The following LRCH4 variants were observed in gnomAD, a reference collection of about 807,000 sequenced individuals.
LRCH4 encodes leucine-rich repeat and calponin homology domain-containing protein 4.
Under a neutral mutation model 81.2 loss-of-function variants are expected in LRCH4, and 56 were observed. The observed-to-expected ratio is 0.69, with a 90% CI of 0.56 to 0.86. The LOEUF (loss-of-function observed/expected upper bound fraction) is 0.86. Ranked by LOEUF, LRCH4 falls within the 40% of genes least tolerant of loss-of-function variation. The pLI is 0.00. For missense variants in LRCH4, 895 were observed against 922.8 expected (o/e 0.97, Z 0.39); for synonymous variants, 442 against 409.7 (o/e 1.08, Z -0.95).
In LRCH4 at chr7:100,577,235, A is replaced by C; in HGVS notation, c.1295+38T>G. ...CTCGGTGGCCCCATTTCCAGGGCTC[A>C]GTGTCCAGCAACAGCCCCGGGCGGC... On this transcript the variant is annotated intron_variant, in intron 11 of 17. Transcript: ENST00000310300. This position sits in a 1 kb window ranked among gnomAD's most constrained non-coding sequence, Gnocchi z 6.7. The C allele has an allele frequency of 6.2e-7, 1 of 1,606,590 alleles. No homozygotes were observed. The highest frequency in any genetic ancestry group is 8.5e-7 in the Non-Finnish European group (1 of 1,178,956).
intron 3 of LRCH4, 56 bp downstream of exon 3, chr7:100,581,985 G>A: frequency 6.2e-7 from 1 of 1,602,036 alleles, no homozygotes. Flanking sequence ...CCTCCCCCTA[G>A]AAGGTCCCGC....
intron 15 of LRCH4, 112 bp from the exon 16 acceptor site, chr7:100,576,120 C>T: frequency 1.3e-6 from 2 of 1,482,892 alleles, no homozygotes; most frequent in Non-Finnish European, 1.8e-6. Flanking sequence ...CCTTCCTGTC[C>T]TCAGGGGAGG....
intron 1 of LRCH4, chr7:100,584,266 G>GA (rs1801648219): frequency 4.4e-6 from 2 of 456,334 alleles, no homozygotes; most frequent in Admixed American, 4.7e-5. Context: ...GGGGACAGAG[G>GA]AGAGAATTCT....
Position 100,575,667 on chromosome 7 carries a change from C to A in LRCH4, c.1854+38G>T, listed in dbSNP as rs200755100. 317 of 1,610,450 alleles carry A rather than the reference C, an allele frequency of 2.0e-4. No homozygotes were observed. Among genetic ancestry groups the A allele is most frequent in the South Asian group, 1.1e-5 (1 of 91,002 alleles). On this transcript the variant is annotated intron_variant, in intron 17 of 17. Transcript: ENST00000310300. The surrounding 1 kb of genome is among the most constrained non-coding windows in gnomAD (Gnocchi z 5.3). ...ATCCATGCCACATGCTCGGCTGAGTCCGGCATGCCACCACTCTTTAGAAAG... is the reference window on the plus strand; with the variant it reads ...ATCCATGCCACATGCTCGGCTGAGTACGGCATGCCACCACTCTTTAGAAAG...
chr7:100,582,673 C>A lies in LRCH4; in HGVS notation c.221-214G>T, dbSNP rs186666856. The stretch of plus-strand genomic sequence containing the variant: ...GGCACAGGGAAGGCAAAGGCCTTAG[C>A]GTCACTGGGCTAGAGAAGCCTCAGA... On this transcript the variant is annotated intron_variant, in intron 1 of 17. Transcript: ENST00000310300. This position sits in a 1 kb window ranked among gnomAD's most constrained non-coding sequence, Gnocchi z 5.0. Among the ~76,000 whole-genome samples, 5 of 152,330 alleles carry A rather than the reference C, an allele frequency of 3.3e-5. No homozygotes were observed. Among genetic ancestry groups the A allele is most frequent in the Non-Finnish European group, 5.9e-5 (4 of 68,026 alleles).
At position 100,577,850 on chromosome 7, in the gene LRCH4, T is replaced by G. The variant is rs909152; in HGVS notation, c.1011A>C (p.Gly337=). The change falls in exon 8 of 18, where the codon GGA becomes GGC. Residue 337 remains glycine (G), a synonymous_variant. Coordinates refer to ENST00000310300, the MANE Select transcript of LRCH4 (RefSeq NM_002319.5). The surrounding 1 kb of genome is among the most constrained non-coding windows in gnomAD (Gnocchi z 6.7). ...RISELAREPR[G]PRERKEDGSA... ...AGCCATCCTCCTTGCGTTCTCTGGG[T>G]CCCCGGGGCTCCCGGGCCAGCTCTG... 1 of 1,613,920 alleles carries G rather than the reference T, an allele frequency of 6.2e-7. No homozygotes were observed. The highest frequency in any genetic ancestry group is 1.3e-5 in the African/African-American group (1 of 75,018).
In LRCH4 at chr7:100,578,851, C is replaced by G. The variant is rs1562806874; in HGVS notation, c.599-65G>C. On this transcript the variant is annotated intron_variant, in intron 4 of 17. Transcript: ENST00000310300. The surrounding 1 kb of genome is among the most constrained non-coding windows in gnomAD (Gnocchi z 5.7). The stretch of plus-strand genomic sequence containing the variant: ...AGGGCTGTGGCCTCGTGCTCACTCC[C>G]TCACCCTTGGCTCCAGCTGGCCAGT... The G allele has an allele frequency of 1.9e-6, 3 of 1,561,630 alleles. No homozygotes were observed. Among genetic ancestry groups the G allele is most frequent in the Non-Finnish European group, 2.6e-6 (3 of 1,149,892 alleles).
chr7:100,585,922 C>A lies in LRCH4; in HGVS notation c.179G>T (p.Gly60Val). 6.2e-7 allele frequency: 1 copy of A among 1,611,832 alleles called. No homozygotes were observed. The highest frequency in any genetic ancestry group is 8.5e-7 in the Non-Finnish European group (1 of 1,178,886). The change falls in exon 1 of 18, where the codon GGC becomes GTC. Residue 60 changes from glycine to valine, a missense_variant. Transcript: ENST00000310300. ...SNRRLKHFPRGAARSYDLSDI... is the reference protein window; with the variant it reads ...SNRRLKHFPRVAARSYDLSDI... ...TGACAGGTCGTAGCTACGGGCCGCG[C>A]CCCGGGGGAAGTGCTTCAAGCGCCG...
rs1801423797 is a variant in LRCH4 at position 100,577,877 on chromosome 7, G to C, written c.984C>G (p.Ile328Met). ...CCCGGGGCTCCCGGGCCAGCTCTGA[G>C]ATCCGGAATGACAGCTCTGAAAATT... ...TDEFSELSFRISELAREPRGP... is the reference protein window; with the variant it reads ...TDEFSELSFRMSELAREPRGP... Residue 328 changes from isoleucine (I) to methionine (M), a missense_variant, in exon 8 of 18, where the codon ATC (isoleucine) becomes ATG (methionine). Around this residue, in one of 3 missense-constraint regions of LRCH4, gnomAD observed 529 missense variants for 504.9 expected, o/e 1.05. Transcript: ENST00000310300. This position sits in a 1 kb window ranked among gnomAD's most constrained non-coding sequence, Gnocchi z 6.7. The C allele has an allele frequency of 6.2e-7, 1 of 1,614,076 alleles. No individual in the cohort carries two copies. Among genetic ancestry groups the C allele is most frequent in the Non-Finnish European group, 8.5e-7 (1 of 1,179,944 alleles).
chr7:100,584,318 G>A (rs2131224722), intron 1 of LRCH4: 1 of 443,924 alleles, frequency 2.3e-6, no homozygotes, highest in Non-Finnish European at 4.6e-6. Flanking sequence ...TGGGCCCTGT[G>A]TAGAGAGTGG....
At chr7:100,584,654 A>G (rs776950405) in intron 1 of LRCH4, 45 of 455,890 alleles carry the variant, frequency 9.9e-5, no homozygotes, top group Admixed American at 4.9e-4. Flanking sequence ...AAGGGGCAGG[A>G]ATGGCTCCTG....
chr7:100,581,779 T>C lies in LRCH4; in HGVS notation c.596A>G (p.Glu199Gly). The change falls in exon 4 of 18, where the codon GAA becomes GGA. Residue 199 changes from glutamate to glycine, a missense_variant and splice_region_variant. Transcript: ENST00000310300. ...VRRNQLSTLP[E>G]ELGDLPLVRL... The stretch of plus-strand genomic sequence containing the variant: ...CTCCAGTTCTTCATTCTTCTCACCT[T>C]CGGGCAGCGTACTGAGCTGGTTCCT... The C allele has an allele frequency of 6.2e-7, 1 of 1,614,054 alleles. No homozygotes were observed. The highest frequency in any genetic ancestry group is 8.5e-7 in the Non-Finnish European group (1 of 1,179,912).
chr7:100,586,109 G>T lies in LRCH4; in HGVS notation c.-9C>A. 6.6e-7 allele frequency: 1 copy of T among 1,512,584 alleles called. No homozygotes were observed. Among genetic ancestry groups the T allele is most frequent in the African/African-American group, 1.4e-5 (1 of 71,600 alleles). 93.7% of individuals were successfully genotyped at this position (1,512,584 alleles called of 1,614,324 possible). ...GCTACGGCCGCCGCCATCCGCTCCC[G>T]GCGGCTCCCGCTGCCTGACTGACGG... On this transcript the variant is annotated 5_prime_UTR_variant, in exon 1 of 18. Coordinates refer to ENST00000310300, the MANE Select transcript of LRCH4 (RefSeq NM_002319.5).
At position 100,576,000 on chromosome 7, in the gene LRCH4, C is replaced by T; in HGVS notation, c.1647G>A (p.Glu549=). The change falls in exon 16 of 18, where the codon GAG becomes GAA. Residue 549 remains glutamate, a synonymous_variant. Coordinates refer to ENST00000310300, the MANE Select transcript of LRCH4 (RefSeq NM_002319.5). The surrounding 1 kb of genome is among the most constrained non-coding windows in gnomAD (Gnocchi z 5.3). Reference sequence around the variant, plus strand: ...CAGGCAGGGGCCGCTGCAGCCGGGACTCAAGGACCTGGCAGTGTAGACCAC... The same window carrying T: ...CAGGCAGGGGCCGCTGCAGCCGGGATTCAAGGACCTGGCAGTGTAGACCAC... ...DLMTQLRQVL[E]SRLQRPLPED... 1 of 1,604,300 alleles carries T rather than the reference C, an allele frequency of 6.2e-7. No individual in the cohort carries two copies. Among genetic ancestry groups the T allele is most frequent in the Non-Finnish European group, 8.5e-7 (1 of 1,178,722 alleles).
chr7:100,580,521 C>G (rs1186444020), intron 4 of LRCH4: 1 of 150,480 alleles, frequency 6.6e-6, no homozygotes, highest in Non-Finnish European at 1.5e-5. Context: ...TAAACATACA[C>G]AACACATACA....
chr7:100,576,060 G>A (rs1433171281), intron 15 of LRCH4, 52 bp from the exon 16 acceptor site: 3 of 1,561,030 alleles, frequency 1.9e-6, no homozygotes, highest in Non-Finnish European at 2.6e-6. Flanking sequence ...AGGCGTCTGG[G>A]AGGCAGGGAG....
chr7:100,575,445 G>A lies in LRCH4; in HGVS notation c.1855-141C>T, dbSNP rs944009031. 1.5e-5 allele frequency: 13 copies of A among 891,772 alleles called. No homozygotes were observed. Among genetic ancestry groups the A allele is most frequent in the Non-Finnish European group, 2.0e-5 (11 of 559,974 alleles). The allele number at this position is 891,772 out of a possible 1,614,324, so 55.2% of individuals were successfully genotyped here. A position where few individuals can be genotyped will look rare whatever the true frequency, so the allele number is the denominator to read the frequency against. On this transcript the variant is annotated intron_variant, in intron 17 of 17. Coordinates refer to ENST00000310300, the MANE Select transcript of LRCH4 (RefSeq NM_002319.5). The surrounding 1 kb of genome is among the most constrained non-coding windows in gnomAD (Gnocchi z 5.3). ...TGACGTGCTGGGCAGGGGGAGTGCA[G>A]TGCAGGAGGAGTGCAGGGCAGGGCA...
In LRCH4 at chr7:100,585,945, C is replaced by T. The variant is rs770035733; in HGVS notation, c.156G>A (p.Arg52=). 15 of 1,612,362 alleles carry T rather than the reference C, an allele frequency of 9.3e-6. No individual in the cohort carries two copies. The highest frequency in any genetic ancestry group is 1.2e-5 in the Non-Finnish European group (14 of 1,179,214). ...CGCCCCGGGGGAAGTGCTTCAAGCG[C>T]CGGTTAGACAGGTTCAGGGTCCCGG... ...VATGTLNLSN[R]RLKHFPRGAA... Residue 52 remains arginine (R), a synonymous_variant, in exon 1 of 18, where the codon CGG becomes CGA. Transcript: ENST00000310300.
In LRCH4 at chr7:100,578,678, C is replaced by G; in HGVS notation, c.707G>C (p.Ser236Thr). ...GGCAGGTGGACTCTGCAGAGGGTTG[C>G]TGTCCAGCAGAATGACCTGCAGGTG... ...LRHLQVILLD[S>T]NPLQSPPAQV... Residue 236 changes from serine to threonine, a missense_variant, in exon 5 of 18, where the codon AGC becomes ACC. Coordinates refer to ENST00000310300, the MANE Select transcript of LRCH4 (RefSeq NM_002319.5). The surrounding 1 kb of genome is among the most constrained non-coding windows in gnomAD (Gnocchi z 5.7). The G allele has an allele frequency of 6.2e-7, 1 of 1,614,152 alleles. No homozygotes were observed. Among genetic ancestry groups the G allele is most frequent in the South Asian group, 1.1e-5 (1 of 91,082 alleles).
Sources: gnomAD v4.1 joint callset for allele counts (sites outside exome capture counted in the v4.1 genomes callset) on GRCh38, gnomAD v4.1.1 for gene constraint, gnomAD v4.1.1 regional missense constraint, Gnocchi (gnomAD v3.1) non-coding constraint, MANE v1.5 for transcripts, NCBI Gene and HGNC (gene_info 2026-07-23, HGNC 2026-07-21) for gene names.